Variants in MGAT4C observed in about 807,000 individuals in gnomAD.
The protein encoded by MGAT4C is MGAT4 family member C.
In MGAT4C, 19 loss-of-function variants were observed where a neutral mutation model predicts 40.1. That is an observed-to-expected ratio of 0.47 (90% CI 0.33 to 0.70). The LOEUF is 0.70. Among genes scored for constraint, MGAT4C ranks in the 30% least tolerant of loss-of-function variants. The pLI, the probability that MGAT4C is intolerant of heterozygous loss-of-function variation, is 0.02. For missense variants in MGAT4C, 491 were observed against 563.2 expected, an observed-to-expected ratio of 0.87 and a Z score of 1.30; for synonymous variants, 181 against 187.1, an observed-to-expected ratio of 0.97 and a Z score of 0.27.
At chr12:86,200,127 G>GTTTTTTTTTTTTTTTTTTTTTTTTTGTT (rs56844963) in intron 1 of MGAT4C, among the ~76,000 whole-genome samples, 1 of 102,356 alleles carries the variant, frequency 9.8e-6, no homozygotes, top group East Asian at 3.1e-4. Context: ...GTATGTATTT[G>GTTTTTTTTTTTTTTTTTTTTTTTTTGTT]TTTTTTTTTT....
intron 1 of MGAT4C, among the ~76,000 whole-genome samples, chr12:86,085,795 G>A (rs879658802): frequency 3.3e-5 from 5 of 152,078 alleles, no homozygotes; most frequent in African/African-American, 4.8e-5. Context: ...GAAAAAGCTC[G>A]TAATCACTGG....
At position 86,540,736 on chromosome 12, in the gene MGAT4C, C is replaced by CAAAA. The variant is rs534305789; in HGVS notation, c.-228-105472_-228-105471insTTTT. The stretch of plus-strand genomic sequence containing the variant: ...GAGTGACAGAGTGAGACTCCATCTC[C>CAAAA]AGAAAGAGAGAGAGAGAGAGAGAGA... On this transcript the variant is annotated intron_variant, in intron 2 of 7. Transcript: ENST00000548651. Among the ~76,000 whole-genome samples, 1,300 of 149,224 alleles carry CAAAA rather than the reference C, an allele frequency of 8.7e-3. 7 individuals are homozygous for CAAAA. Among genetic ancestry groups the CAAAA allele is most frequent in the Middle Eastern group, 0.017 (5 of 288 alleles).
At chr12:86,336,601 A>T (rs766337675) in intron 3 of MGAT4C, among the ~76,000 whole-genome samples, 29 of 152,208 alleles carry the variant, frequency 1.9e-4, no homozygotes, top group Non-Finnish European at 2.2e-4. Flanking sequence ...GAGAATAAAA[A>T]GTATAATAGA....
intron 1 of MGAT4C, among the ~76,000 whole-genome samples, chr12:86,241,592 A>G (rs2136045946): frequency 6.6e-6 from 1 of 152,256 alleles, no homozygotes; most frequent in Middle Eastern, 3.4e-3. Flanking sequence ...TTGGGTCATG[A>G]CACCATTCTT....
chr12:86,240,920 C>CT (rs1951758260), intron 1 of MGAT4C, among the ~76,000 whole-genome samples: 1 of 152,000 alleles, frequency 6.6e-6, no homozygotes, highest in Non-Finnish European at 1.5e-5. Context: ...TTCTTTTGAG[C>CT]TTTTTTTAAC....
intron 2 of MGAT4C, among the ~76,000 whole-genome samples, chr12:86,463,662 A>G (rs549082157): frequency 7.9e-5 from 12 of 152,320 alleles, no homozygotes; most frequent in African/African-American, 2.9e-4. Flanking sequence ...TTTTAAGAAC[A>G]TTCATTTTTA....
At chr12:86,555,429 T>G (rs1959561341) in intron 2 of MGAT4C, among the ~76,000 whole-genome samples, 1 of 152,264 alleles carries the variant, frequency 6.6e-6, no homozygotes, top group East Asian at 1.9e-4. Flanking sequence ...TGACATAATG[T>G]AAAAGAGTCT....
chr12:86,603,413 A>ATATATAG lies in MGAT4C; in HGVS notation c.-229+123789_-229+123795dup, dbSNP rs1248694168. Among the ~76,000 whole-genome samples the ATATATAG allele has an allele frequency of 5.0e-5, 6 of 119,018 alleles. No individual in the cohort carries two copies. In the East Asian group the frequency reaches 1.3e-3, roughly 26 times the overall value. 78.1% of individuals were successfully genotyped at this position (119,018 alleles called of 152,430 possible). On this transcript the variant is annotated intron_variant, in intron 2 of 7. Transcript: ENST00000548651. ...TATATAATATATATTATATATTAGT[A>ATATATAG]TATATAGTATATAGTATATATACTA...
intron 1 of MGAT4C, among the ~76,000 whole-genome samples, chr12:86,766,877 A>G: frequency 6.6e-6 from 1 of 152,162 alleles, no homozygotes; most frequent in Non-Finnish European, 1.5e-5. Flanking sequence ...CAGTGTGTAG[A>G]GGGAAATTTA....
rs546792236 is a variant in MGAT4C, at chr12:86,811,241, G to A, written c.-262+27425C>T. On this transcript the variant is annotated intron_variant, in intron 1 of 7. Transcript: ENST00000548651. ...TTAATAATTTCATTTTTAAATGATC[G>A]ACTATAAGGCATCATGTTTGAGTTT... Among the ~76,000 whole-genome samples the A allele has an allele frequency of 1.6e-3, 235 of 150,988 alleles. 3 individuals carry two copies. Among genetic ancestry groups the A allele is most frequent in the African/African-American group, 5.4e-3 (224 of 41,298 alleles).
intron 2 of MGAT4C, among the ~76,000 whole-genome samples, chr12:86,620,360 C>T (rs1004424212): frequency 3.3e-5 from 5 of 151,940 alleles, no homozygotes; most frequent in Admixed American, 2.6e-4. Context: ...CACACACACA[C>T]ATATCCTGGA....
chr12:86,835,668 A>C (rs893312787), intron 1 of MGAT4C, among the ~76,000 whole-genome samples: 1 of 152,060 alleles, frequency 6.6e-6, no homozygotes, highest in Non-Finnish European at 1.5e-5. Flanking sequence ...TAATTTAGCT[A>C]TTAGATAACC....
At chr12:86,538,970 T>A (rs1959125143) in intron 2 of MGAT4C, among the ~76,000 whole-genome samples, 1 of 152,066 alleles carries the variant, frequency 6.6e-6, no homozygotes, top group African/African-American at 2.4e-5. Context: ...TGCATATGCA[T>A]AATTTAATAG....
Position 85,955,760 on chromosome 12 carries a change from GAC to G in MGAT4C, c.*23527_*23528del, listed in dbSNP as rs1055974366. On this transcript the variant is annotated 3_prime_UTR_variant, in exon 5 of 5. Transcript: ENST00000611864. Reference sequence around the variant, plus strand: ...TGCTTCAAATGAATAATAAATTGCAGACACAGGTATTAAAGCCATCAAGCATA... The same window carrying G: ...TGCTTCAAATGAATAATAAATTGCAGACAGGTATTAAAGCCATCAAGCATA... The G allele has an allele frequency of 5.9e-5, 9 of 152,014 alleles. No individual in the cohort carries two copies. The highest frequency in any genetic ancestry group is 2.2e-4 in the African/African-American group (9 of 41,402). 9.4% of individuals were successfully genotyped at this position (152,014 alleles called of 1,614,324 possible).
intron 3 of MGAT4C, among the ~76,000 whole-genome samples, chr12:86,382,022 T>C (rs12304986): frequency 0.02 from 3,057 of 152,248 alleles, 97 homozygotes; most frequent in African/African-American, 0.063. Context: ...TGCCCAATCT[T>C]GGGTATGTCT....
At chr12:86,744,083 T>C (rs1951115225) in intron 1 of MGAT4C, among the ~76,000 whole-genome samples, 1 of 151,476 alleles carries the variant, frequency 6.6e-6, no homozygotes, top group Non-Finnish European at 1.5e-5. Context: ...GGAAGGAACA[T>C]GTACTGAAAT....
chr12:86,651,866 GAA>G (rs1001372327), intron 2 of MGAT4C, among the ~76,000 whole-genome samples: 1 of 151,756 alleles, frequency 6.6e-6, no homozygotes, highest in African/African-American at 2.4e-5. Context: ...GAGAATTACA[GAA>G]AATATGTTAA....
chr12:86,028,411 T>A (rs1890437047), intron 2 of MGAT4C, among the ~76,000 whole-genome samples: 1 of 151,796 alleles, frequency 6.6e-6, no homozygotes, highest in Non-Finnish European at 1.5e-5. Context: ...GATCAACACT[T>A]TTTTGGGGTC....
intron 1 of MGAT4C, among the ~76,000 whole-genome samples, chr12:86,073,198 G>A (rs6539946): frequency 0.8 from 121,652 of 152,150 alleles, 49,328 homozygotes; most frequent in East Asian, 0.97. Context: ...TTGGTTCTCA[G>A]TTCTCTCTTG....
Sources: gnomAD v4.1 joint callset for allele counts (sites outside exome capture counted in the v4.1 genomes callset) on GRCh38, gnomAD v4.1.1 for gene constraint, MANE v1.5 for transcripts, NCBI Gene and HGNC (gene_info 2026-07-23, HGNC 2026-07-21) for gene names.